Variants in TMC2 observed in about 807,000 individuals in gnomAD.
The protein encoded by TMC2 is transmembrane channel like 2, also known as transmembrane channel-like protein 2.
Under a neutral mutation model 105.9 loss-of-function variants are expected in TMC2, and 102 were observed. The observed-to-expected ratio is 0.96, with a 90% CI of 0.82 to 1.14. The LOEUF (loss-of-function observed/expected upper bound fraction) is 1.14, where lower values mean the gene tolerates loss of function less well. TMC2 is among the 50% of genes most tolerant of loss of function. The probability of loss-of-function intolerance (pLI) is 0.00; values close to 1 mark genes in which losing one functional copy is unlikely to be tolerated. For synonymous variants in TMC2, 402 were observed against 422.8 expected (o/e 0.95, Z 0.60); for missense variants, 1,093 against 1,134.3 (o/e 0.96, Z 0.52).
rs1231410067 is a variant in TMC2, at chr20:2,628,154, C to T, written c.2306+3758C>T. Among the ~76,000 whole-genome samples the T allele has an allele frequency of 2.4e-4, 35 of 147,048 alleles. 1 individual carries two copies. The highest frequency in any genetic ancestry group is 1.9e-3 in the Admixed American group (28 of 14,616). ...CTGCACTCCAGCCTGGGCAAAAGAG[C>T]GAGACTCTGTCTCAAAAAAAAAAAA... On this transcript the variant is annotated intron_variant, in intron 17 of 19. Transcript: ENST00000358864.
chr20:2,610,356 CAG>C, intron 11 of TMC2, 61 bp from the exon 12 acceptor site: 1 of 1,468,904 alleles, frequency 6.8e-7, no homozygotes, highest in African/African-American at 1.4e-5. Context: ...CATGGGAGTG[CAG>C]AGATGGCAGC....
At chr20:2,554,739 TTTCCAGCTATCTTTCTGTTAGAGA>T (rs1414024940) in intron 2 of TMC2, among the ~76,000 whole-genome samples, 2 of 152,246 alleles carry the variant, frequency 1.3e-5, no homozygotes, top group East Asian at 3.8e-4. Context: ...ATTTTGGTAT[TTTCCAGCTATCTTTCTGTTAGAGA>T]TTTCTAGTCT....
intron 7 of TMC2, among the ~76,000 whole-genome samples, chr20:2,590,624 C>T (rs1457442033): frequency 1.3e-5 from 2 of 151,956 alleles, no homozygotes; most frequent in Non-Finnish European, 2.9e-5. Context: ...ATATCCCTAT[C>T]CCTACTACTT....
At chr20:2,623,913 T>C (rs1314460202) in intron 16 of TMC2, among the ~76,000 whole-genome samples, 1 of 152,202 alleles carries the variant, frequency 6.6e-6, no homozygotes, top group Non-Finnish European at 1.5e-5. Context: ...GGAAGCTCCA[T>C]GTTGGCCTGG....
intron 7 of TMC2, among the ~76,000 whole-genome samples, chr20:2,582,385 A>G (rs2086198579): frequency 6.6e-6 from 1 of 152,204 alleles, no homozygotes; most frequent in Non-Finnish European, 1.5e-5. Context: ...CCCACGACCC[A>G]TGGATGTTTT....
intron 2 of TMC2, among the ~76,000 whole-genome samples, chr20:2,551,262 C>T (rs188950749): frequency 6.6e-6 from 1 of 152,240 alleles, no homozygotes; most frequent in Admixed American, 6.5e-5. Context: ...TGTATACTTT[C>T]TTTGGTGAGA....
At chr20:2,575,858 A>G (rs1357566574) in intron 5 of TMC2, among the ~76,000 whole-genome samples, 1 of 152,032 alleles carries the variant, frequency 6.6e-6, no homozygotes, top group Non-Finnish European at 1.5e-5. Context: ...ATTTTGTCTA[A>G]TGTTTTTTTC....
In TMC2 at chr20:2,642,896, G is replaced by C. The variant is rs2086698312; in HGVS notation, c.*1545G>C. On this transcript the variant is annotated 3_prime_UTR_variant, in exon 20 of 20. Transcript: ENST00000358864. ...GCCACCACCCAACCAGGCCCCCAGG[G>C]GTTCTCAGGAGAATCCCCCAGACTC... Among the ~76,000 whole-genome samples the C allele has an allele frequency of 6.6e-6, 1 of 151,880 alleles. No homozygotes were observed. The highest frequency in any genetic ancestry group is 2.1e-4 in the South Asian group (1 of 4,816).
In TMC2 at chr20:2,624,317, G is replaced by T. The variant is rs767111162; in HGVS notation, c.2227G>T (p.Asp743Tyr). The T allele has an allele frequency of 3.2e-5, 52 of 1,614,038 alleles. No individual in the cohort carries two copies. Among genetic ancestry groups the T allele is most frequent in the Non-Finnish European group, 6.8e-6 (8 of 1,180,018 alleles). Residue 743 changes from aspartate (D) to tyrosine (Y), a missense_variant, in exon 17 of 20, where the codon GAT becomes TAT. Physicochemically the swap from Asp to Tyr is radical, Grantham distance 160 (BLOSUM62 -3). Coordinates refer to ENST00000358864, the MANE Select transcript of TMC2 (RefSeq NM_080751.3). Reference protein sequence around the residue: ...YDVLQETIENDFPTFLGKIFA... With the variant: ...YDVLQETIENYFPTFLGKIFA... ...TGTCCTCCAAGAGACCATTGAAAACGATTTCCCAACCTTCCTGGGCAAGAT... is the reference window on the plus strand; with the variant it reads ...TGTCCTCCAAGAGACCATTGAAAACTATTTCCCAACCTTCCTGGGCAAGAT...
chr20:2,640,776 A>G (rs1225555123), intron 19 of TMC2, among the ~76,000 whole-genome samples: 3 of 152,206 alleles, frequency 2.0e-5, no homozygotes, highest in Non-Finnish European at 4.4e-5. Context: ...ATCTGATTCC[A>G]AACAATTCCC....
chr20:2,538,985 C>G (rs1017024870), intron 2 of TMC2, among the ~76,000 whole-genome samples: 1 of 152,142 alleles, frequency 6.6e-6, no homozygotes, highest in Non-Finnish European at 1.5e-5. Context: ...TACTGTGTTC[C>G]TTGAAAAGAA....
intron 17 of TMC2, among the ~76,000 whole-genome samples, chr20:2,633,774 A>C (rs570938064): frequency 8.2e-6 from 1 of 121,368 alleles, no homozygotes; most frequent in African/African-American, 3.0e-5. Context: ...AGGGGAGGGG[A>C]TATAAGGCAA....
intron 11 of TMC2, among the ~76,000 whole-genome samples, chr20:2,606,900 T>C (rs558283562): frequency 1.7e-4 from 25 of 148,524 alleles, no homozygotes; most frequent in Admixed American, 1.2e-3. Flanking sequence ...TCTTTTTTTT[T>C]TTTTTTTTTT....
In TMC2 at chr20:2,641,367, G is replaced by A; in HGVS notation, c.*16G>A. 1 of 1,578,370 alleles carries A rather than the reference G, an allele frequency of 6.3e-7. No individual in the cohort carries two copies. Among genetic ancestry groups the A allele is most frequent in the Non-Finnish European group, 8.7e-7 (1 of 1,150,070 alleles). On this transcript the variant is annotated 3_prime_UTR_variant, in exon 20 of 20. Transcript: ENST00000358864. ...TCCCCACTGATGGCTAGGACTCCAG[G>A]GAGCCTCGACCCTAGGGCTGATCCT...
chr20:2,615,482 G>T (rs980870053), intron 14 of TMC2, among the ~76,000 whole-genome samples: 2 of 152,168 alleles, frequency 1.3e-5, no homozygotes, highest in Admixed American at 6.5e-5. Flanking sequence ...GACAAATTGG[G>T]ATGTGGGCTT....
chr20:2,569,211 G>A (rs1036728390), intron 4 of TMC2, among the ~76,000 whole-genome samples: 2 of 152,182 alleles, frequency 1.3e-5, no homozygotes, highest in Admixed American at 1.3e-4. Context: ...TTTAACAACT[G>A]GTTGGCCAAG....
At position 2,592,290 on chromosome 20, in the gene TMC2, T is replaced by C; in HGVS notation, c.835-20T>C. On this transcript the variant is annotated intron_variant, in intron 7 of 19. Transcript: ENST00000358864. The surrounding 1 kb of genome is among the most constrained non-coding windows in gnomAD (Gnocchi z 4.9). ...TGTATTTCCTCCACTCATACTTGTG[T>C]CATTGTGTTTCTGCACAAGGTACTG... The C allele has an allele frequency of 1.3e-6, 2 of 1,527,926 alleles. No homozygotes were observed. The highest frequency in any genetic ancestry group is 1.4e-5 in the African/African-American group (1 of 73,320). 94.6% of individuals were successfully genotyped at this position (1,527,926 alleles called of 1,614,324 possible). A position where few individuals can be genotyped will look rare whatever the true frequency, so the allele number is the denominator to read the frequency against.
At chr20:2,547,563 A>G (rs1039686326) in intron 2 of TMC2, among the ~76,000 whole-genome samples, 3 of 152,228 alleles carry the variant, frequency 2.0e-5, no homozygotes, top group African/African-American at 4.8e-5. Flanking sequence ...TATTTTAAAT[A>G]AGGTGAAAGA....
chr20:2,556,063 A>C (rs1016157161), intron 2 of TMC2, among the ~76,000 whole-genome samples: 3 of 152,166 alleles, frequency 2.0e-5, no homozygotes, highest in African/African-American at 7.2e-5. Context: ...TTAGGAATTT[A>C]AAAAGAAGGA....
Sources: allele counts gnomAD v4.1 joint callset (sites outside exome capture counted in the v4.1 genomes callset), GRCh38; gene constraint gnomAD v4.1.1; non-coding constraint Gnocchi (gnomAD v3.1); transcripts MANE v1.5; gene names NCBI Gene and HGNC (gene_info 2026-07-23, HGNC 2026-07-21).